Variants in SYNE1 observed in about 807,000 individuals in gnomAD.
SYNE1 encodes the protein nesprin-1.
In SYNE1, 616 loss-of-function variants were observed where a neutral mutation model predicts 1,111.0. The ratio of observed to expected loss-of-function variants is 0.55; its 90% confidence interval spans 0.52 to 0.59. SYNE1 has a LOEUF of 0.59. SYNE1 is among the 20% of genes least tolerant of loss of function. The pLI, the probability that SYNE1 is intolerant of heterozygous loss-of-function variation, is 0.00. For missense variants in SYNE1, 10,006 were observed against 10,417.0 expected (o/e 0.96, Z 1.72); for synonymous variants, 3,855 against 3,825.8 (o/e 1.01, Z -0.28).
intron 81 of SYNE1, among the ~76,000 whole-genome samples, chr6:152,324,750 G>A (rs897861324): frequency 1.6e-4 from 25 of 152,118 alleles, no homozygotes; most frequent in African/African-American, 5.8e-4. Context: ...GCAGTGAGCC[G>A]AGATGGCGCC....
In SYNE1 at chr6:152,201,942, T is replaced by C. The variant is rs1433074175; in HGVS notation, c.23027A>G (p.Glu7676Gly). Reference protein sequence around the residue: ...KKLAFLLKDWEKCEKGIADSL... With the variant: ...KKLAFLLKDWGKCEKGIADSL... The stretch of plus-strand genomic sequence containing the variant: ...ATCTGCTATTCCTTTCTCACATTTT[T>C]CCCAGTCCTATCATGGGAATAAAAA... The change falls in exon 127 of 146, where the codon GAA becomes GGA. Residue 7676 changes from glutamate (E) to glycine (G), a missense_variant. Physicochemically the swap from Glu to Gly is moderately conservative, Grantham distance 98 (BLOSUM62 -2). Coordinates refer to ENST00000367255, the MANE Select transcript of SYNE1 (RefSeq NM_182961.4). The C allele has an allele frequency of 3.1e-6, 5 of 1,613,872 alleles. No individual in the cohort carries two copies. The highest frequency in any genetic ancestry group is 3.4e-6 in the Non-Finnish European group (4 of 1,179,912).
At chr6:152,151,805 G>C (rs1054885212) in intron 134 of SYNE1, 115 bp from the exon 135 acceptor site, 2 of 1,509,674 alleles carry the variant, frequency 1.3e-6, no homozygotes, top group Non-Finnish European at 1.8e-6. Flanking sequence ...AGCAAGCAAT[G>C]AGAAGCCTGC....
At chr6:152,456,565 T>C in intron 22 of SYNE1, 1 of 245,060 alleles carries the variant, frequency 4.1e-6, no homozygotes. Flanking sequence ...ATTAATGAAA[T>C]GGTAGGGTTC....
intron 24 of SYNE1, among the ~76,000 whole-genome samples, chr6:152,454,475 C>T (rs1240595290): frequency 5.9e-5 from 9 of 152,176 alleles, no homozygotes; most frequent in Admixed American, 2.0e-4. Flanking sequence ...GGGCCCTCCC[C>T]AGAACCCTAC....
intron 102 of SYNE1, among the ~76,000 whole-genome samples, 198 bp downstream of exon 102, chr6:152,256,436 A>T (rs1405066514): frequency 9.4e-6 from 1 of 106,382 alleles, no homozygotes; most frequent in African/African-American, 3.1e-5. Flanking sequence ...TCTAAAAAAT[A>T]AATAAATAAA....
At chr6:152,141,878 T>G (rs2058615103) in intron 138 of SYNE1, among the ~76,000 whole-genome samples, 1 of 152,172 alleles carries the variant, frequency 6.6e-6, no homozygotes, top group Non-Finnish European at 1.5e-5. Flanking sequence ...GAGACCAGCC[T>G]GGGCAACATA....
At chr6:152,512,504 T>A (rs1437096472) in intron 6 of SYNE1, among the ~76,000 whole-genome samples, 5 of 152,264 alleles carry the variant, frequency 3.3e-5, no homozygotes, top group Admixed American at 6.5e-5. Flanking sequence ...ACACAAAAAA[T>A]TTATAATATA....
At position 152,396,933 on chromosome 6, in the gene SYNE1, C is replaced by T; in HGVS notation, c.7398G>A (p.Val2466=). The change falls in exon 50 of 146, where the codon GTG becomes GTA. Residue 2466 remains valine, a synonymous_variant. Transcript: ENST00000367255. ...VSDGQSKLDA[V]TQEGQTLYAH... ...CATACAAAGTTTGTCCTTCTTGAGTCACTGCATCAAGTTTGCTCTGCCCAT... is the reference window on the plus strand; with the variant it reads ...CATACAAAGTTTGTCCTTCTTGAGTTACTGCATCAAGTTTGCTCTGCCCAT... 6.2e-7 allele frequency: 1 copy of T among 1,614,182 alleles called. No individual in the cohort carries two copies. Among genetic ancestry groups the T allele is most frequent in the African/African-American group, 1.3e-5 (1 of 75,042 alleles).
Position 152,305,509 on chromosome 6 carries a change from C to T in SYNE1, c.17346+2980G>A, listed in dbSNP as rs147065091. On this transcript the variant is annotated intron_variant, in intron 91 of 145. Transcript: ENST00000367255. ...CAAACTCCTGACCTTGTGATCTGCC[C>T]GCCTTGGCCTCCGAAAAGTACTGGG... Among the ~76,000 whole-genome samples, 1,384 of 152,156 alleles carry T rather than the reference C, an allele frequency of 9.1e-3. 15 individuals are homozygous for T. The highest frequency in any genetic ancestry group is 0.032 in the African/African-American group (1,323 of 41,496).
At chr6:152,587,224 T>G (rs1027621600) in intron 3 of SYNE1, among the ~76,000 whole-genome samples, 1 of 152,204 alleles carries the variant, frequency 6.6e-6, no homozygotes, top group Non-Finnish European at 1.5e-5. Flanking sequence ...TTACCAATGT[T>G]GAATTTTTTC....
chr6:152,330,758 C>T lies in SYNE1; in HGVS notation c.13927G>A (p.Glu4643Lys), dbSNP rs1487481824. Residue 4643 changes from glutamate to lysine, a missense_variant, in exon 78 of 146, where the codon GAA becomes AAA. Around this residue, in one of 7 missense-constraint regions of SYNE1, gnomAD observed 4,955 missense variants for 5,017.2 expected, o/e 0.99. Transcript: ENST00000367255. ...LNEVDHSYLSEKLNALPRQFN... is the reference protein window; with the variant it reads ...LNEVDHSYLSKKLNALPRQFN... ...TGTCGAGGCAAAGCATTTAGCTTTTCACTGAGGTAGGAATGATCGACTTCA... is the reference window on the plus strand; with the variant it reads ...TGTCGAGGCAAAGCATTTAGCTTTTTACTGAGGTAGGAATGATCGACTTCA... 16 of 1,613,866 alleles carry T rather than the reference C, an allele frequency of 9.9e-6. 1 individual carries two copies. The highest frequency in any genetic ancestry group is 1.4e-5 in the Non-Finnish European group (16 of 1,180,042).
intron 130 of SYNE1, among the ~76,000 whole-genome samples, chr6:152,167,440 G>A (rs1483023376): frequency 6.6e-6 from 1 of 151,966 alleles, no homozygotes; most frequent in African/African-American, 2.4e-5. Flanking sequence ...TCTGAGGGAT[G>A]ATACAGTAAA....
At chr6:152,353,199 C>T in intron 69 of SYNE1, 64 bp downstream of exon 69, 1 of 1,581,668 alleles carries the variant, frequency 6.3e-7, no homozygotes, top group South Asian at 1.1e-5. Flanking sequence ...AGTATCTATG[C>T]AGGAGAATGG....
intron 101 of SYNE1, among the ~76,000 whole-genome samples, chr6:152,259,307 T>C (rs1380327784): frequency 6.6e-6 from 1 of 152,182 alleles, no homozygotes; most frequent in African/African-American, 2.4e-5. Context: ...CACTATTTCC[T>C]TATTCGGGTT....
rs146681161 is a variant in SYNE1, at chr6:152,476,614, G to A, written c.1351-4201C>T. ...TGGGGCTGGGTGCTGCAGCTTATGC[G>A]TGTAATTCCAGCACTTTAGGAGGGT... On this transcript the variant is annotated intron_variant, in intron 14 of 145. Transcript: ENST00000367255. Among the ~76,000 whole-genome samples, 436 of 152,184 alleles carry A rather than the reference G, an allele frequency of 2.9e-3. 8 individuals are homozygous for A. The highest frequency in any genetic ancestry group is 0.022 in the Admixed American group (335 of 15,288).
At chr6:152,318,755 G>A in intron 85 of SYNE1, 108 bp downstream of exon 85, 1 of 1,373,962 alleles carries the variant, frequency 7.3e-7, no homozygotes. Context: ...TTACTATTTG[G>A]TTTTAAAAAA....
At chr6:152,540,086 G>A in intron 3 of SYNE1, 65 bp from the exon 4 acceptor site, 1 of 1,499,358 alleles carries the variant, frequency 6.7e-7, no homozygotes, top group Middle Eastern at 1.7e-4. Flanking sequence ...ATGAGAAAAA[G>A]TCCTATTTAC....
chr6:152,384,750 G>T (rs1178400897), intron 55 of SYNE1, among the ~76,000 whole-genome samples: 2 of 152,052 alleles, frequency 1.3e-5, no homozygotes, highest in Non-Finnish European at 2.9e-5. Context: ...GTGGTGGTCA[G>T]CACCTGTAAT....
rs1296712404 is a variant in SYNE1 at position 152,301,897 on chromosome 6, G to A, written c.17513C>T (p.Thr5838Met). ...TEDLDGELLPTPSAHPSVVMM... is the reference protein window; with the variant it reads ...TEDLDGELLPMPSAHPSVVMM... ...GACCACAGAGGGGTGGGCCGAAGGC[G>A]TGGGGAGGAGCTCCCCATCCAGGTC... is the stretch of plus-strand genomic sequence containing the variant. Residue 5838 changes from threonine to methionine, a missense_variant, in exon 92 of 146, where the codon ACG becomes ATG. Transcript: ENST00000367255. 7 of 1,613,810 alleles carry A rather than the reference G, an allele frequency of 4.3e-6. No homozygotes were observed. The highest frequency in any genetic ancestry group is 5.1e-6 in the Non-Finnish European group (6 of 1,179,762).
Sources: gnomAD v4.1 joint callset for allele counts (sites outside exome capture counted in the v4.1 genomes callset) on GRCh38, gnomAD v4.1.1 for gene constraint, gnomAD v4.1.1 regional missense constraint, MANE v1.5 for transcripts, NCBI Gene and HGNC (gene_info 2026-07-23, HGNC 2026-07-21) for gene names.